FRMPD3: variants seen among roughly 807,000 people sequenced by gnomAD.
FRMPD3 encodes the protein FERM and PDZ domain-containing protein 3.
A neutral mutation model predicts 97.9 loss-of-function variants in FRMPD3; 42 were observed. The ratio of observed to expected loss-of-function variants is 0.43; its 90% confidence interval spans 0.34 to 0.55. The LOEUF (loss-of-function observed/expected upper bound fraction) is 0.55, where lower values mean the gene tolerates loss of function less well. Ranked by LOEUF, FRMPD3 falls within the 20% of genes least tolerant of loss-of-function variation. FRMPD3 has a pLI of 0.03. For missense variants in FRMPD3, 1,303 were observed against 1,457.7 expected, an observed-to-expected ratio of 0.89 and a Z score of 1.73; for synonymous variants, 577 against 581.1, an observed-to-expected ratio of 0.99 and a Z score of 0.10.
intron 10 of FRMPD3, 59 bp from the exon 11 acceptor site, chrX:107,563,052 G>A: frequency 2.2e-6 from 2 of 927,356 alleles, no homozygotes; most frequent in East Asian, 6.2e-5. Context: ...TTGAGAACAT[G>A]GGTTTGCTTT....
At chrX:107,569,470 T>C (rs1466415912) in intron 12 of FRMPD3, among the ~76,000 whole-genome samples, 1 of 109,630 alleles carries the variant, frequency 9.1e-6, no homozygotes, top group Admixed American at 9.8e-5. Context: ...TAGTAAGAGG[T>C]GGCTCTGGGA....
intron 13 of FRMPD3, among the ~76,000 whole-genome samples, chrX:107,583,893 G>A (rs1241524393): frequency 1.1e-5 from 1 of 95,104 alleles, no homozygotes; most frequent in Non-Finnish European, 2.0e-5. Flanking sequence ...TTTTGAGACA[G>A]AGTCTCACTC....
intron 1 of FRMPD3, among the ~76,000 whole-genome samples, chrX:107,455,248 T>C (rs1210295568): frequency 9.0e-6 from 1 of 111,728 alleles, no homozygotes; most frequent in Admixed American, 9.5e-5. Flanking sequence ...TCCTCTCAAC[T>C]CCTCCGTCTC....
intron 1 of FRMPD3, among the ~76,000 whole-genome samples, chrX:107,496,915 A>G (rs1419683974): frequency 8.9e-6 from 1 of 112,447 alleles, no homozygotes; most frequent in Non-Finnish European, 1.9e-5. Context: ...CCTGCAGAGC[A>G]GGAAACACAG....
In FRMPD3 at chrX:107,563,115, C is replaced by G. The variant is rs763171355; in HGVS notation, c.1031C>G (p.Ser344Cys). The change falls in exon 11 of 15, where the codon TCT becomes TGT. Residue 344 changes from serine to cysteine, a missense_variant. Coordinates refer to ENST00000683843, the MANE Select transcript of FRMPD3 (RefSeq NM_001388459.1). The part of the protein sequence containing the change: ...QTHPSCGTKG[S>C]AIQAKLQYLR... ...TCTGGATGGGTTTTTCCACAGGGCT[C>G]TGCAATTCAGGCAAAGCTCCAGTAT... The G allele has an allele frequency of 5.0e-6, 6 of 1,208,135 alleles. No homozygotes were observed. The Admixed American group carries it at 1.3e-4, about 26-fold the overall frequency.
At chrX:107,483,036 C>T (rs181196617) in intron 1 of FRMPD3, among the ~76,000 whole-genome samples, 7 of 112,091 alleles carry the variant, frequency 6.2e-5, no homozygotes, top group Admixed American at 1.9e-4. Flanking sequence ...TGCTTTGGAA[C>T]GAATGAGTAT....
At chrX:107,578,745 AG>A (rs1415836419) in intron 13 of FRMPD3, among the ~76,000 whole-genome samples, 2 of 111,269 alleles carry the variant, frequency 1.8e-5, no homozygotes, top group Admixed American at 1.9e-4. Flanking sequence ...TCATCTCCCT[AG>A]GTACATGGTT....
intron 3 of FRMPD3, among the ~76,000 whole-genome samples, chrX:107,531,143 CA>C (rs1922939546): frequency 2.7e-5 from 3 of 109,992 alleles, no homozygotes; most frequent in Admixed American, 9.7e-5. Flanking sequence ...CACACACACA[CA>C]CACCATACAC....
chrX:107,483,246 A>G (rs975235805), intron 1 of FRMPD3, among the ~76,000 whole-genome samples: 2 of 112,653 alleles, frequency 1.8e-5, no homozygotes, highest in South Asian at 7.3e-4. Context: ...CTGGTGCAAG[A>G]CTAAGTGGAC....
At chrX:107,538,516 T>G (rs1286718855) in intron 4 of FRMPD3, among the ~76,000 whole-genome samples, 1 of 90,976 alleles carries the variant, frequency 1.1e-5, no homozygotes, top group Non-Finnish European at 2.1e-5. Flanking sequence ...AGGTCCAGGA[T>G]GTGGCCTAGG....
intron 1 of FRMPD3, among the ~76,000 whole-genome samples, chrX:107,517,013 C>T (rs971710753): frequency 9.0e-6 from 1 of 111,405 alleles, no homozygotes; most frequent in Non-Finnish European, 1.9e-5. Context: ...GTTTTAGGTC[C>T]AACATTTAAG....
At chrX:107,594,369 T>A (rs779927968) in intron 13 of FRMPD3, among the ~76,000 whole-genome samples, 2 of 112,179 alleles carry the variant, frequency 1.8e-5, no homozygotes, top group Non-Finnish European at 3.8e-5. Flanking sequence ...CTTGTCTGAT[T>A]ACTCTGGCTC....
chrX:107,554,252 G>A (rs1016526296), intron 7 of FRMPD3, 133 bp from the exon 8 acceptor site: 13 of 650,041 alleles, frequency 2.0e-5, no homozygotes, highest in Admixed American at 3.5e-5. Flanking sequence ...CAGCCAGGTC[G>A]GAGACAGAGT....
At chrX:107,547,978 A>G (rs2147577030) in intron 5 of FRMPD3, among the ~76,000 whole-genome samples, 1 of 107,166 alleles carries the variant, frequency 9.3e-6, no homozygotes, top group East Asian at 2.9e-4. Context: ...CACTCTTCCA[A>G]TTTTATATCC....
intron 1 of FRMPD3, among the ~76,000 whole-genome samples, chrX:107,480,931 A>T (rs1423474546): frequency 9.1e-6 from 1 of 109,378 alleles, no homozygotes; most frequent in South Asian, 4.1e-4. Flanking sequence ...AAAGAAAGAA[A>T]GAAAGAAAGA....
At chrX:107,495,536 G>C (rs1921754397) in intron 1 of FRMPD3, among the ~76,000 whole-genome samples, 1 of 111,976 alleles carries the variant, frequency 8.9e-6, no homozygotes, top group South Asian at 3.7e-4. Context: ...GTAAATATTT[G>C]CATGACAAGT....
intron 1 of FRMPD3, among the ~76,000 whole-genome samples, chrX:107,515,605 G>A (rs1270008559): frequency 2.7e-5 from 3 of 112,083 alleles, no homozygotes; most frequent in African/African-American, 9.7e-5. Context: ...TGTAGAAAAC[G>A]TTTTTGAGGA....
chrX:107,601,539 C>G lies in FRMPD3; in HGVS notation c.3500C>G (p.Pro1167Arg), dbSNP rs1794301695. ...CGAGGTCAGAGCCCCAGCTGCCAACCTCGAGGCCAGAGCCCACTGAGGTCT... is the reference window on the plus strand; with the variant it reads ...CGAGGTCAGAGCCCCAGCTGCCAACGTCGAGGCCAGAGCCCACTGAGGTCT... ...QSRGQSPSCQ[P>R]RGQSPLRSQA... is the part of the protein sequence containing the mutation. Residue 1167 changes from proline (P) to arginine (R), a missense_variant, in exon 15 of 15, where the codon CCT becomes CGT. This residue lies in a region of FRMPD3 where 764 missense variants were observed against 820.2 expected (regional missense o/e 0.93). Transcript: ENST00000683843. 8.5e-7 allele frequency: 1 copy of G among 1,181,207 alleles called. No individual in the cohort carries two copies. The highest frequency in any genetic ancestry group is 1.1e-6 in the Non-Finnish European group (1 of 881,843).
At chrX:107,570,052 G>A (rs190164347) in intron 12 of FRMPD3, among the ~76,000 whole-genome samples, 61 of 94,723 alleles carry the variant, frequency 6.4e-4, no homozygotes, top group Non-Finnish European at 1.1e-3. Context: ...AAGAAAGAAA[G>A]AAAGAGAAAA....
Sources: gnomAD v4.1 joint callset for allele counts (sites outside exome capture counted in the v4.1 genomes callset) on GRCh38, gnomAD v4.1.1 for gene constraint, gnomAD v4.1.1 regional missense constraint, MANE v1.5 for transcripts, NCBI Gene and HGNC (gene_info 2026-07-23, HGNC 2026-07-21) for gene names.